Variants in NOSTRIN observed in about 807,000 individuals in gnomAD.
NOSTRIN encodes the protein BM247 homolog.
Under a neutral mutation model 59.0 loss-of-function variants are expected in NOSTRIN, and 63 were observed. The observed-to-expected ratio is 1.07, with a 90% CI of 0.87 to 1.32. The LOEUF (loss-of-function observed/expected upper bound fraction) is 1.32. Ranked by LOEUF, NOSTRIN falls within the 40% of genes most tolerant of loss-of-function variation. The pLI is 0.00. For synonymous variants in NOSTRIN, 200 were observed against 165.4 expected, an observed-to-expected ratio of 1.21 and a Z score of -1.61; for missense variants, 512 against 473.1, an observed-to-expected ratio of 1.08 and a Z score of -0.76.
intron 15 of NOSTRIN, 139 bp from the exon 16 acceptor site, chr2:168,864,695 T>G: frequency 1.2e-6 from 1 of 844,252 alleles, no homozygotes; most frequent in Non-Finnish European, 1.9e-6. Context: ...TCGATACATT[T>G]GGCTTCATCT....
At chr2:168,851,689 A>G (rs1028449373) in intron 10 of NOSTRIN, among the ~76,000 whole-genome samples, 2 of 152,222 alleles carry the variant, frequency 1.3e-5, no homozygotes, top group African/African-American at 2.4e-5. Flanking sequence ...TCAATGACCT[A>G]TAATTAATCA....
chr2:168,845,489 C>A (rs1688358326), intron 8 of NOSTRIN, among the ~76,000 whole-genome samples: 1 of 152,232 alleles, frequency 6.6e-6, no homozygotes, highest in South Asian at 2.1e-4. Flanking sequence ...TGATAACTAG[C>A]TTGCCTTCTT....
chr2:168,830,791 C>G (rs1484595435), intron 5 of NOSTRIN, among the ~76,000 whole-genome samples: 2 of 152,110 alleles, frequency 1.3e-5, no homozygotes, highest in Admixed American at 6.6e-5. Context: ...AGGACTGTTA[C>G]CAGTTTTCAT....
chr2:168,843,561 G>A (rs2105721151), intron 8 of NOSTRIN, among the ~76,000 whole-genome samples: 1 of 152,282 alleles, frequency 6.6e-6, no homozygotes, highest in South Asian at 2.1e-4. Context: ...GTACATCTCA[G>A]TGGCAAAAGT....
rs1247982433 is a variant in NOSTRIN at position 168,843,093 on chromosome 2, A to G, written c.606A>G (p.Glu202=). The G allele has an allele frequency of 4.6e-6, 4 of 872,464 alleles. No homozygotes were observed. Among genetic ancestry groups the G allele is most frequent in the Non-Finnish European group, 8.0e-6 (4 of 501,536 alleles). The allele number at this position is 872,464 out of a possible 1,614,324, so 54.0% of individuals were successfully genotyped here. Residue 202 remains glutamate (E), a synonymous_variant, in exon 8 of 16, where the codon GAA becomes GAG. Coordinates refer to ENST00000317647, the MANE Select transcript of NOSTRIN (RefSeq NM_001039724.4). ...GTTATTCTACCAGACTGAAATGGGA[A>G]AACACACTAGAGAACTGCTACCAGG... ...MAGYSTRLKW[E]NTLENCYQSI...
At chr2:168,825,540 T>C (rs536332235) in intron 3 of NOSTRIN, among the ~76,000 whole-genome samples, 2 of 152,188 alleles carry the variant, frequency 1.3e-5, no homozygotes, top group African/African-American at 2.4e-5. Context: ...ATGTGCTCTA[T>C]TGTGTGTGTG....
At position 168,858,596 on chromosome 2, in the gene NOSTRIN, A is replaced by G. The variant is rs1346151119; in HGVS notation, c.1054-916A>G. On this transcript the variant is annotated intron_variant, in intron 12 of 15. Coordinates refer to ENST00000317647, the MANE Select transcript of NOSTRIN (RefSeq NM_001039724.4). ...ATAGAAGAAGAACTAGATGTGCTCTATGAGACTATCAAGTGAAGGTCTAAT... is the reference window on the plus strand; with the variant it reads ...ATAGAAGAAGAACTAGATGTGCTCTGTGAGACTATCAAGTGAAGGTCTAAT... 2.0e-5 allele frequency among the ~76,000 whole-genome samples: 3 copies of G among 152,346 alleles called. No homozygotes were observed. In the East Asian group the frequency reaches 5.8e-4, roughly 29 times the overall value.
chr2:168,823,167 C>T (rs1686852375), intron 2 of NOSTRIN, among the ~76,000 whole-genome samples: 1 of 152,164 alleles, frequency 6.6e-6, no homozygotes, highest in African/African-American at 2.4e-5. Flanking sequence ...CAGGCGTGAG[C>T]CACCACACCT....
intron 15 of NOSTRIN, chr2:168,863,514 G>A (rs1689615680): frequency 7.1e-6 from 7 of 985,352 alleles, no homozygotes; most frequent in Non-Finnish European, 8.4e-6. Flanking sequence ...TTTATGACAA[G>A]AGCCATGTTT....
chr2:168,805,190 A>G (rs1380200626), intron 1 of NOSTRIN, among the ~76,000 whole-genome samples: 3 of 152,206 alleles, frequency 2.0e-5, no homozygotes, highest in Admixed American at 1.3e-4. Context: ...TGGGCAAAAT[A>G]GACTGACAGC....
At chr2:168,844,018 T>C (rs1391109702) in intron 8 of NOSTRIN, among the ~76,000 whole-genome samples, 1 of 152,218 alleles carries the variant, frequency 6.6e-6, no homozygotes, top group Admixed American at 6.5e-5. Context: ...TATCCATCAA[T>C]GAAAAGTTAA....
chr2:168,795,119 A>G (rs911208439), upstream of NOSTRIN, among the ~76,000 whole-genome samples: 3 of 152,236 alleles, frequency 2.0e-5, no homozygotes, highest in African/African-American at 7.2e-5. Flanking sequence ...GGAAATAACT[A>G]TAAATCCATT....
chr2:168,806,949 T>A (rs1685880679), intron 1 of NOSTRIN, among the ~76,000 whole-genome samples: 1 of 152,234 alleles, frequency 6.6e-6, no homozygotes, highest in African/African-American at 2.4e-5. Flanking sequence ...GTAAACTTAC[T>A]GTGATTATAC....
At chr2:168,826,132 A>G (rs983437849) in intron 3 of NOSTRIN, among the ~76,000 whole-genome samples, 3 of 152,196 alleles carry the variant, frequency 2.0e-5, no homozygotes, top group African/African-American at 7.2e-5. Flanking sequence ...CGGTAATATA[A>G]GACGTGTGCT....
intron 8 of NOSTRIN, 42 bp from the exon 9 acceptor site, chr2:168,851,042 A>C: frequency 8.8e-7 from 1 of 1,140,812 alleles, no homozygotes; most frequent in Admixed American, 1.7e-5. Context: ...TCCATTTTGC[A>C]TAACAACTGG....
In NOSTRIN at chr2:168,859,503, T is replaced by C. The variant is rs758722037; in HGVS notation, c.1054-9T>C. The C allele has an allele frequency of 2.5e-6, 4 of 1,612,894 alleles. No homozygotes were observed. On this transcript the variant is annotated splice_polypyrimidine_tract_variant and intron_variant, in intron 12 of 15. Coordinates refer to ENST00000317647, the MANE Select transcript of NOSTRIN (RefSeq NM_001039724.4). ...AATTTGCTCACATGGCCAAATGATG[T>C]ATCCACAGAACAATTTGAAACTAGA...
intron 5 of NOSTRIN, among the ~76,000 whole-genome samples, chr2:168,829,208 G>A (rs891485917): frequency 1.2e-4 from 18 of 151,952 alleles, no homozygotes; most frequent in Admixed American, 1.3e-4. Flanking sequence ...TCTAATAGCC[G>A]ATCCTCTACT....
intron 3 of NOSTRIN, 46 bp from the exon 4 acceptor site, chr2:168,828,112 A>C (rs374706495): frequency 5.7e-6 from 5 of 870,226 alleles, no homozygotes; most frequent in Non-Finnish European, 8.0e-6. Flanking sequence ...CCTATTTCCT[A>C]GGAAAATGAC....
chr2:168,837,023 G>A (rs377062832), intron 7 of NOSTRIN, among the ~76,000 whole-genome samples: 13 of 152,084 alleles, frequency 8.5e-5, no homozygotes, highest in African/African-American at 2.9e-4. Context: ...GTTGCAGACC[G>A]GCTACTTCTC....
Sources: allele counts gnomAD v4.1 joint callset (sites outside exome capture counted in the v4.1 genomes callset), GRCh38; gene constraint gnomAD v4.1.1; transcripts MANE v1.5; gene names NCBI Gene and HGNC (gene_info 2026-07-23, HGNC 2026-07-21).